Variants in THRB observed in about 807,000 individuals in gnomAD.
The protein encoded by THRB is thyroid hormone receptor beta.
In THRB, 12 loss-of-function variants were observed where a neutral mutation model predicts 47.8. The observed-to-expected ratio is 0.25, with a 90% confidence interval of 0.16 to 0.41. THRB has a LOEUF of 0.41. Among genes scored for constraint, THRB ranks in the 10% least tolerant of loss-of-function variants. The pLI, the probability that THRB is intolerant of heterozygous loss-of-function variation, is 1.00. For synonymous variants in THRB, 218 were observed against 212.2 expected (o/e 1.03, Z -0.24); for missense variants, 348 against 589.2 (o/e 0.59, Z 4.24).
At chr3:24,225,549 G>A (rs56038123) in intron 4 of THRB, among the ~76,000 whole-genome samples, 26,960 of 152,142 alleles carry the variant, frequency 0.18, 2,628 homozygotes, top group East Asian at 0.37. Flanking sequence ...CAGGTTCAGC[G>A]CAAACATAAT....
chr3:24,382,621 G>C (rs189547034), intron 1 of THRB, among the ~76,000 whole-genome samples: 1 of 152,060 alleles, frequency 6.6e-6, no homozygotes, highest in East Asian at 1.9e-4. Context: ...AAAAATGTAA[G>C]GTCAGAAAAA....
intron 2 of THRB, among the ~76,000 whole-genome samples, chr3:24,302,798 G>A (rs1307200652): frequency 6.6e-6 from 1 of 152,152 alleles, no homozygotes; most frequent in African/African-American, 2.4e-5. Context: ...TAATATATAA[G>A]CCCTATGCAG....
intron 4 of THRB, among the ~76,000 whole-genome samples, chr3:24,216,465 G>A (rs1424686167): frequency 6.6e-5 from 10 of 152,248 alleles, no homozygotes; most frequent in Admixed American, 2.0e-4. Context: ...AAAATTAGCC[G>A]GGCGTGGTGG....
At chr3:24,379,347 T>C (rs2065523952) in intron 1 of THRB, among the ~76,000 whole-genome samples, 1 of 152,142 alleles carries the variant, frequency 6.6e-6, no homozygotes, top group Non-Finnish European at 1.5e-5. Context: ...TCAACTGCTA[T>C]TTGTTAGCTG....
chr3:24,233,892 C>A (rs17014447), intron 3 of THRB, among the ~76,000 whole-genome samples: 1 of 152,118 alleles, frequency 6.6e-6, no homozygotes, highest in South Asian at 2.1e-4. Context: ...CCCTGCCTGA[C>A]GTCTAAGAAG....
chr3:24,317,047 G>T (rs995081160), intron 2 of THRB, among the ~76,000 whole-genome samples: 5 of 152,188 alleles, frequency 3.3e-5, no homozygotes, highest in African/African-American at 1.2e-4. Context: ...TGGGGCAAAG[G>T]TGTCACTGAC....
At chr3:24,277,804 C>T (rs1429232801) in intron 3 of THRB, among the ~76,000 whole-genome samples, 2 of 152,192 alleles carry the variant, frequency 1.3e-5, no homozygotes, top group Non-Finnish European at 2.9e-5. Flanking sequence ...ACTAATGTTA[C>T]ATATAAATAT....
intron 1 of THRB, among the ~76,000 whole-genome samples, chr3:24,350,668 G>A (rs898863130): frequency 4.6e-5 from 7 of 152,148 alleles, no homozygotes; most frequent in African/African-American, 1.7e-4. Context: ...GCTGAAAGCC[G>A]GTGTGAAGAG....
intron 4 of THRB, among the ~76,000 whole-genome samples, chr3:24,223,627 C>T (rs2150030950): frequency 6.6e-6 from 1 of 152,094 alleles, no homozygotes; most frequent in South Asian, 2.1e-4. Context: ...TAAAGGATGG[C>T]TTGAAATTCT....
chr3:24,157,360 G>A (rs1362285658), intron 5 of THRB, among the ~76,000 whole-genome samples: 3 of 151,926 alleles, frequency 2.0e-5, no homozygotes, highest in South Asian at 2.1e-4. Flanking sequence ...GCGAGCAGGA[G>A]GACCAAGTAG....
At chr3:24,358,240 T>C (rs551789607) in intron 1 of THRB, among the ~76,000 whole-genome samples, 1 of 152,330 alleles carries the variant, frequency 6.6e-6, no homozygotes, top group East Asian at 1.9e-4. Flanking sequence ...AGTGTATTTA[T>C]CTGACTTTGT....
chr3:24,224,500 A>G (rs2047461757), intron 4 of THRB, among the ~76,000 whole-genome samples: 1 of 152,182 alleles, frequency 6.6e-6, no homozygotes, highest in Non-Finnish European at 1.5e-5. Flanking sequence ...AGGTTGTAGG[A>G]CATATGCACC....
intron 2 of THRB, among the ~76,000 whole-genome samples, chr3:24,301,555 G>A (rs1182723678): frequency 1.3e-5 from 2 of 151,820 alleles, no homozygotes; most frequent in East Asian, 1.9e-4. Context: ...AAAATTACAT[G>A]GTACAGTATG....
At chr3:24,208,919 T>C (rs898505478) in intron 4 of THRB, among the ~76,000 whole-genome samples, 1 of 152,042 alleles carries the variant, frequency 6.6e-6, no homozygotes, top group Non-Finnish European at 1.5e-5. Flanking sequence ...TATGGAATGG[T>C]AGAAAATTTT....
intron 2 of THRB, among the ~76,000 whole-genome samples, chr3:24,322,716 C>G (rs1165105946): frequency 6.6e-6 from 1 of 152,152 alleles, no homozygotes; most frequent in African/African-American, 2.4e-5. Flanking sequence ...ATTATCAAGG[C>G]AATGGTTCAT....
intron 9 of THRB, among the ~76,000 whole-genome samples, chr3:24,128,296 G>C (rs2033253637): frequency 6.6e-6 from 1 of 152,194 alleles, no homozygotes. Flanking sequence ...ATGAGGCCCA[G>C]AGATATAAGC....
intron 1 of THRB, among the ~76,000 whole-genome samples, chr3:24,487,443 T>A (rs1227381091): frequency 6.6e-6 from 1 of 152,054 alleles, no homozygotes; most frequent in Non-Finnish European, 1.5e-5. Context: ...CATGCTAGTA[T>A]AAAAATAGGC....
At chr3:24,420,239 C>A (rs2069114540) in intron 1 of THRB, among the ~76,000 whole-genome samples, 1 of 151,842 alleles carries the variant, frequency 6.6e-6, no homozygotes, top group East Asian at 1.9e-4. Context: ...AATATGGGGC[C>A]ATTTGCTCAG....
At chr3:24,394,352 C>CT (rs1490469083) in intron 1 of THRB, among the ~76,000 whole-genome samples, 2 of 152,086 alleles carry the variant, frequency 1.3e-5, no homozygotes, top group Non-Finnish European at 2.9e-5. Context: ...AGAGCCAGTA[C>CT]TTTTAGAGCT....
Sources: gnomAD v4.1 joint callset for allele counts (sites outside exome capture counted in the v4.1 genomes callset) on GRCh38, gnomAD v4.1.1 for gene constraint, MANE v1.5 for transcripts, NCBI Gene and HGNC (gene_info 2026-07-23, HGNC 2026-07-21) for gene names.